Variants in MRTFA observed in about 807,000 individuals in gnomAD.
MRTFA encodes the protein myocardin-related transcription factor A.
In MRTFA, 20 loss-of-function variants were observed where a neutral mutation model predicts 83.5. The ratio of observed to expected loss-of-function variants is 0.24; its 90% CI spans 0.17 to 0.35. The LOEUF (loss-of-function observed/expected upper bound fraction) is 0.35, where lower values mean the gene tolerates loss of function less well. Among genes scored for constraint, MRTFA ranks in the 10% least tolerant of loss-of-function variants. The pLI is 1.00. For missense variants in MRTFA, 1,200 were observed against 1,224.7 expected (o/e 0.98, Z 0.30); for synonymous variants, 659 against 541.2 (o/e 1.22, Z -3.02).
At chr22:40,567,791 A>G (rs2055727722) in intron 2 of MRTFA, among the ~76,000 whole-genome samples, 1 of 152,216 alleles carries the variant, frequency 6.6e-6, no homozygotes, top group Non-Finnish European at 1.5e-5. Context: ...AGACATTTAT[A>G]GTATTGTGCT....
In MRTFA at chr22:40,514,158, C is replaced by T. The variant is rs192367643; in HGVS notation, c.241+37948G>A. ...CCTGCAGTCCCATGTACTCGGGAGG[C>T]TGAGGCAAGAGAATCGCTTGAACCC... On this transcript the variant is annotated intron_variant, in intron 3 of 14. Coordinates refer to ENST00000355630, the MANE Select transcript of MRTFA (RefSeq NM_020831.6). Among the ~76,000 whole-genome samples, 406 of 151,758 alleles carry T rather than the reference C, an allele frequency of 2.7e-3. 1 individual carries two copies. Among genetic ancestry groups the T allele is most frequent in the Middle Eastern group, 6.8e-3 (2 of 292 alleles).
intron 2 of MRTFA, among the ~76,000 whole-genome samples, chr22:40,585,698 T>TGC (rs781660142): frequency 4.4e-4 from 67 of 152,220 alleles, no homozygotes; most frequent in Non-Finnish European, 8.8e-4. Context: ...TGGCAGGGGA[T>TGC]GAGAGTTAGC....
chr22:40,532,226 C>A (rs1007715158), intron 3 of MRTFA, among the ~76,000 whole-genome samples: 1 of 152,166 alleles, frequency 6.6e-6, no homozygotes, highest in Non-Finnish European at 1.5e-5. Flanking sequence ...AGCAAACAAT[C>A]TTTTAACCTT....
intron 4 of MRTFA, among the ~76,000 whole-genome samples, chr22:40,436,054 G>A (rs1193417903): frequency 1.3e-5 from 2 of 152,058 alleles, no homozygotes; most frequent in African/African-American, 4.8e-5. Context: ...CATTCAAACA[G>A]TTTTGGTAGA....
intron 3 of MRTFA, among the ~76,000 whole-genome samples, chr22:40,485,070 C>CA (rs60665723): frequency 0.031 from 3,607 of 114,814 alleles, 131 homozygotes; most frequent in African/African-American, 0.096. Context: ...GACTCCGTCT[C>CA]AAAAAAAAAA....
chr22:40,452,111 G>A (rs2053503802), intron 4 of MRTFA, among the ~76,000 whole-genome samples: 1 of 151,220 alleles, frequency 6.6e-6, no homozygotes, highest in Non-Finnish European at 1.5e-5. Flanking sequence ...AGCCTCCCGA[G>A]TAGCTGGGAC....
intron 1 of MRTFA, among the ~76,000 whole-genome samples, chr22:40,623,596 T>C (rs1310994771): frequency 6.6e-6 from 1 of 152,108 alleles, no homozygotes; most frequent in Admixed American, 6.6e-5. Context: ...TTCTGGATGC[T>C]GAGAATAGGG....
chr22:40,514,954 G>A (rs1218045115), intron 3 of MRTFA, among the ~76,000 whole-genome samples: 6 of 150,530 alleles, frequency 4.0e-5, no homozygotes, highest in Non-Finnish European at 7.4e-5. Flanking sequence ...TGTCGCCCAG[G>A]CTGGAGTGCA....
At chr22:40,562,627 G>T (rs1192980533) in intron 2 of MRTFA, among the ~76,000 whole-genome samples, 3 of 77,086 alleles carry the variant, frequency 3.9e-5, no homozygotes, top group African/African-American at 1.6e-4. Context: ...GGGAGGGAGA[G>T]GAAGGGGGAA....
chr22:40,559,702 T>G (rs1452053559), intron 2 of MRTFA, among the ~76,000 whole-genome samples: 1 of 152,192 alleles, frequency 6.6e-6, no homozygotes, highest in African/African-American at 2.4e-5. Context: ...CCACCTTGCC[T>G]GACAGAACAC....
At chr22:40,419,857 G>A (rs1346688913) in intron 11 of MRTFA, among the ~76,000 whole-genome samples, 1 of 152,178 alleles carries the variant, frequency 6.6e-6, no homozygotes, top group East Asian at 1.9e-4. Flanking sequence ...CCTCTCCAAG[G>A]CCCTAGGATG....
chr22:40,519,753 A>G (rs2054830443), intron 3 of MRTFA: 1 of 442,380 alleles, frequency 2.3e-6, no homozygotes, highest in South Asian at 2.4e-5. Context: ...GCCTAAGAGC[A>G]AAGTCTGAGT....
intron 3 of MRTFA, among the ~76,000 whole-genome samples, chr22:40,474,736 A>T (rs1041097318): frequency 3.3e-5 from 5 of 152,330 alleles, no homozygotes; most frequent in African/African-American, 1.2e-4. Flanking sequence ...AACATACATA[A>T]AGTAAGTTCT....
At chr22:40,620,402 G>A (rs1012655155) in intron 1 of MRTFA, among the ~76,000 whole-genome samples, 3 of 150,966 alleles carry the variant, frequency 2.0e-5, no homozygotes, top group African/African-American at 7.3e-5. Flanking sequence ...GGGATTACAG[G>A]CGTGAGCCAC....
intron 2 of MRTFA, among the ~76,000 whole-genome samples, chr22:40,584,223 T>C (rs567660298): frequency 1.3e-4 from 20 of 152,316 alleles, no homozygotes; most frequent in Admixed American, 5.2e-4. Flanking sequence ...AAGTGTCCAA[T>C]GGTTTCCGAT....
chr22:40,517,380 C>T (rs2054779273), intron 3 of MRTFA, among the ~76,000 whole-genome samples: 1 of 152,068 alleles, frequency 6.6e-6, no homozygotes, highest in South Asian at 2.1e-4. Context: ...AAAGGAACCT[C>T]GACAAGTTAG....
At chr22:40,620,224 C>G (rs1454916383) in intron 1 of MRTFA, among the ~76,000 whole-genome samples, 2 of 151,052 alleles carry the variant, frequency 1.3e-5, no homozygotes, top group African/African-American at 4.9e-5. Flanking sequence ...CTCCTAGGTT[C>G]AAGTGATTCT....
At chr22:40,516,422 GAAAAAAAAAAAAA>G (rs56745896) in intron 3 of MRTFA, among the ~76,000 whole-genome samples, 1 of 47,026 alleles carries the variant, frequency 2.1e-5, no homozygotes, top group East Asian at 4.4e-4. Flanking sequence ...ACTGCCTCAA[GAAAAAAAAAAAAA>G]AAAAAAAAGG....
chr22:40,578,143 G>A (rs564725354), intron 2 of MRTFA, among the ~76,000 whole-genome samples: 21 of 151,846 alleles, frequency 1.4e-4, no homozygotes, highest in Non-Finnish European at 1.6e-4. Context: ...TAGTAGAGAC[G>A]GAGTTTCACC....
Sources: gnomAD v4.1 joint callset for allele counts (sites outside exome capture counted in the v4.1 genomes callset) on GRCh38, gnomAD v4.1.1 for gene constraint, MANE v1.5 for transcripts, NCBI Gene and HGNC (gene_info 2026-07-23, HGNC 2026-07-21) for gene names.